The following LRP5 variants were observed in gnomAD, a reference collection of about 807,000 sequenced individuals.
The protein encoded by LRP5 is LDL receptor related protein 5.
LRP5 carries 62 observed loss-of-function variants against 154.1 expected under a neutral mutation model. The ratio of observed to expected loss-of-function variants is 0.40; its 90% CI spans 0.33 to 0.50. The LOEUF is 0.50. LRP5 is among the 20% of genes least tolerant of loss of function. LRP5 has a pLI of 0.55. For synonymous variants in LRP5, 966 were observed against 1,011.5 expected, an observed-to-expected ratio of 0.96 and a Z score of 0.85; for missense variants, 1,915 against 2,336.7, an observed-to-expected ratio of 0.82 and a Z score of 3.72.
At chr11:68,358,547 ACC>A in intron 3 of LRP5, among the ~76,000 whole-genome samples, 1 of 151,672 alleles carries the variant, frequency 6.6e-6, no homozygotes, top group Non-Finnish European at 1.5e-5. Context: ...CACACGCACC[ACC>A]CCCACCCTGG....
chr11:68,435,112 A>G (rs638076), intron 18 of LRP5, among the ~76,000 whole-genome samples: 54,623 of 152,148 alleles, frequency 0.36, 10,977 homozygotes, highest in African/African-American at 0.52. Flanking sequence ...GCCAAAAGCA[A>G]GAGAACTGAG....
chr11:68,343,392 G>T (rs1383845776), intron 1 of LRP5, among the ~76,000 whole-genome samples: 2 of 152,094 alleles, frequency 1.3e-5, no homozygotes, highest in Non-Finnish European at 2.9e-5. Flanking sequence ...TTGTGTGTGT[G>T]TGTGTCTGAG....
chr11:68,372,868 AG>A (rs1222629016), intron 5 of LRP5, among the ~76,000 whole-genome samples: 1 of 151,970 alleles, frequency 6.6e-6, no homozygotes, highest in Non-Finnish European at 1.5e-5. Flanking sequence ...TGGGCGCTTC[AG>A]GCGTGTGGCT....
chr11:68,304,399 A>T, the LRP5 span, among the ~76,000 whole-genome samples: 4 of 152,214 alleles, frequency 2.6e-5, no homozygotes, highest in African/African-American at 9.6e-5. Context: ...ATGTCAGAGG[A>T]TGTATGAGAA....
rs576442123 is a variant in LRP5, at chr11:68,373,412, G to A, written c.1015+7710G>A. 1.6e-4 allele frequency among the ~76,000 whole-genome samples: 25 copies of A among 152,250 alleles called. No individual in the cohort carries two copies. In the South Asian group the frequency reaches 5.0e-3, roughly 30 times the overall value. On this transcript the variant is annotated intron_variant, in intron 5 of 22. Coordinates refer to ENST00000294304, the MANE Select transcript of LRP5 (RefSeq NM_002335.4). ...GGCGGGGGGGGCCCCGCACTGCTGT[G>A]TGCCTTCAAGGTGGCACTATTTACG...
intron 5 of LRP5, among the ~76,000 whole-genome samples, chr11:68,384,799 C>T (rs2098642108): frequency 6.6e-6 from 1 of 152,162 alleles, no homozygotes; most frequent in African/African-American, 2.4e-5. Context: ...CAAACTGAAG[C>T]CCACTTGAGG....
At chr11:68,416,947 C>T (rs1232764030) in intron 13 of LRP5, among the ~76,000 whole-genome samples, 1 of 152,162 alleles carries the variant, frequency 6.6e-6, no homozygotes, top group Non-Finnish European at 1.5e-5. Context: ...GTAAAAATGA[C>T]ACAACTCATA....
chr11:68,322,303 T>A (rs1276147448), intron 1 of LRP5, among the ~76,000 whole-genome samples: 1 of 152,210 alleles, frequency 6.6e-6, no homozygotes, highest in Non-Finnish European at 1.5e-5. Flanking sequence ...CGGTGCATAT[T>A]CAGTGAAAGC....
intron 1 of LRP5, among the ~76,000 whole-genome samples, chr11:68,340,817 C>T (rs1238194864): frequency 6.6e-6 from 1 of 152,040 alleles, no homozygotes; most frequent in African/African-American, 2.4e-5. Context: ...AATATATTAC[C>T]CAGAGACTTG....
chr11:68,298,925 G>A, the LRP5 span, among the ~76,000 whole-genome samples: 1 of 152,202 alleles, frequency 6.6e-6, no homozygotes, highest in Non-Finnish European at 1.5e-5. Context: ...TGTCCTGCAG[G>A]AAGGGCGGGG....
At chr11:68,352,875 G>GGTGCTTGGTTGGGAGGTAATTT (rs1565339136) in intron 2 of LRP5, among the ~76,000 whole-genome samples, 2 of 151,736 alleles carry the variant, frequency 1.3e-5, no homozygotes, top group Non-Finnish European at 2.9e-5. Flanking sequence ...GGAGGTAATT[G>GGTGCTTGGTTGGGAGGTAATTT]GTACTTGGTT....
the LRP5 span, among the ~76,000 whole-genome samples, chr11:68,301,774 C>T: frequency 4.1e-5 from 6 of 147,868 alleles, no homozygotes; most frequent in Admixed American, 2.0e-4. Context: ...TACAGGCGCC[C>T]GCCACCATGC....
intron 1 of LRP5, among the ~76,000 whole-genome samples, chr11:68,320,085 C>T (rs2098595863): frequency 6.6e-6 from 1 of 152,118 alleles, no homozygotes; most frequent in Non-Finnish European, 1.5e-5. Flanking sequence ...CTATTGAGCT[C>T]AGGAGGTCAA....
intron 21 of LRP5, among the ~76,000 whole-genome samples, chr11:68,445,056 C>G (rs2098680674): frequency 6.6e-6 from 1 of 152,094 alleles, no homozygotes; most frequent in African/African-American, 2.4e-5. Context: ...AGGAAGCAGG[C>G]CTTCTCGAGC....
intron 5 of LRP5, among the ~76,000 whole-genome samples, chr11:68,373,168 C>T (rs1212253245): frequency 6.6e-6 from 1 of 152,104 alleles, no homozygotes; most frequent in Non-Finnish European, 1.5e-5. Flanking sequence ...GGTGTCTGAC[C>T]GTTTATCTTT....
Position 68,323,113 on chromosome 11 carries a change from T to G in LRP5, c.91+10308T>G, listed in dbSNP as rs181571057. Among the ~76,000 whole-genome samples the G allele has an allele frequency of 1.8e-3, 269 of 152,318 alleles. 1 individual carries two copies. The highest frequency in any genetic ancestry group is 6.2e-3 in the African/African-American group (258 of 41,568). On this transcript the variant is annotated intron_variant, in intron 1 of 22. Transcript: ENST00000294304. ...AAAAAGTCTTGGTGGTTTTGATTGA[T>G]TTATTTATTTTTTGAGATGGAGTCT...
Position 68,432,386 on chromosome 11 carries a change from G to A in LRP5, c.3764-1216G>A, listed in dbSNP as rs529315795. On this transcript the variant is annotated intron_variant, in intron 17 of 22. Transcript: ENST00000294304. ...CTGTCGTTGGCTCCTCTCAGCCGTC[G>A]TGGGCTGACCCTGGCACGTCCTCCT... Among the ~76,000 whole-genome samples, 33 of 152,256 alleles carry A rather than the reference G, an allele frequency of 2.2e-4. No individual in the cohort carries two copies. The East Asian group carries it at 2.3e-3, about 11-fold the overall frequency.
intron 6 of LRP5, among the ~76,000 whole-genome samples, chr11:68,387,676 C>T (rs1485623744): frequency 6.6e-6 from 1 of 152,210 alleles, no homozygotes; most frequent in African/African-American, 2.4e-5. Context: ...AGGGTAGTAG[C>T]CAGGGGCCTT....
intron 10 of LRP5, among the ~76,000 whole-genome samples, chr11:68,411,040 G>A (rs1267703573): frequency 6.6e-6 from 1 of 152,144 alleles, no homozygotes; most frequent in East Asian, 1.9e-4. Flanking sequence ...TCCGGATCCC[G>A]CAAGGCCTCC....
Sources: allele counts gnomAD v4.1 joint callset (sites outside exome capture counted in the v4.1 genomes callset), GRCh38; gene constraint gnomAD v4.1.1; transcripts MANE v1.5; gene names NCBI Gene and HGNC (gene_info 2026-07-23, HGNC 2026-07-21).